CLDN11: variants seen among roughly 807,000 people sequenced by gnomAD.
The protein encoded by CLDN11 is claudin 11.
In CLDN11, 1 loss-of-function variant was observed where a neutral mutation model predicts 18.0. The ratio of observed to expected loss-of-function variants is 0.06; its 90% CI spans 0.02 to 0.26. The LOEUF is 0.26. Among genes scored for constraint, CLDN11 ranks in the 10% least tolerant of loss-of-function variants. The pLI, the probability that CLDN11 is intolerant of heterozygous loss-of-function variation, is 1.00. For synonymous variants in CLDN11, 116 were observed against 121.5 expected (o/e 0.96, Z 0.30); for missense variants, 172 against 276.6 (o/e 0.62, Z 2.68).
chr3:170,421,152 T>TGG lies in CLDN11; in HGVS notation c.226+1869_226+1870dup, dbSNP rs71176567. 301 of 156,270 alleles carry TGG rather than the reference T, an allele frequency of 1.9e-3. 1 individual carries two copies. The highest frequency in any genetic ancestry group is 0.017 in the East Asian group (59 of 3,498). 9.7% of individuals were successfully genotyped at this position (156,270 alleles called of 1,614,324 possible). A position where few individuals can be genotyped will look rare whatever the true frequency, so the allele number is the denominator to read the frequency against. On this transcript the variant is annotated intron_variant, in intron 1 of 2. Coordinates refer to ENST00000064724, the MANE Select transcript of CLDN11 (RefSeq NM_005602.6). ...CAGAGGGGAGTGCATACTCTGGGGGTGGGGGGGGGGTGGGGGGCGGCGCTA... is the reference window on the plus strand; with the variant it reads ...CAGAGGGGAGTGCATACTCTGGGGGTGGGGGGGGGGGGTGGGGGGCGGCGCTA...
chr3:170,432,658 C>A lies in CLDN11; in HGVS notation c.526C>A (p.Leu176Ile), dbSNP rs1367566565. The A allele has an allele frequency of 6.2e-7, 1 of 1,614,066 alleles. No homozygotes were observed. The highest frequency in any genetic ancestry group is 8.5e-7 in the Non-Finnish European group (1 of 1,180,036). Residue 176 changes from leucine to isoleucine, a missense_variant, in exon 3 of 3, where the codon CTC (leucine) becomes ATC (isoleucine). Coordinates refer to ENST00000064724, the MANE Select transcript of CLDN11 (RefSeq NM_005602.6). The part of the protein sequence containing the change: ...VLCLVGGCVI[L>I]CCAGDAQAFG... The stretch of plus-strand genomic sequence containing the variant: ...GTGCCTCGTGGGTGGCTGTGTCATC[C>A]TCTGCTGCGCTGGAGATGCCCAGGC...
rs1452564885 is a variant in CLDN11 at position 170,432,747 on chromosome 3, C to A, written c.615C>A (p.Ala205=). The A allele has an allele frequency of 6.2e-7, 1 of 1,614,048 alleles. No homozygotes were observed. Among genetic ancestry groups the A allele is most frequent in the African/African-American group, 1.3e-5 (1 of 74,930 alleles). Residue 205 remains alanine, a synonymous_variant, in exon 3 of 3, where the codon GCC becomes GCA. Transcript: ENST00000064724. ...GSSSPTHAKS[A]HV is the part of the protein sequence containing the mutation. Reference sequence around the variant, plus strand: ...GCTCCCCGACTCATGCGAAGAGTGCCCACGTATAAGAGGGCTGCCCGGCTG... The same window carrying A: ...GCTCCCCGACTCATGCGAAGAGTGCACACGTATAAGAGGGCTGCCCGGCTG...
chr3:170,425,151 C>G (rs1333550950), intron 2 of CLDN11, among the ~76,000 whole-genome samples: 2 of 152,176 alleles, frequency 1.3e-5, no homozygotes, highest in Non-Finnish European at 2.9e-5. Flanking sequence ...CCCTTTCCAA[C>G]AGGAAAGTGA....
At chr3:170,426,553 G>C (rs1738859191) in intron 2 of CLDN11, among the ~76,000 whole-genome samples, 1 of 152,168 alleles carries the variant, frequency 6.6e-6, no homozygotes, top group Non-Finnish European at 1.5e-5. Flanking sequence ...GTGTGAACTG[G>C]GGCAGTTCCT....
At chr3:170,420,839 C>T (rs1200546497) in intron 1 of CLDN11, among the ~76,000 whole-genome samples, 1 of 152,130 alleles carries the variant, frequency 6.6e-6, no homozygotes, top group Non-Finnish European at 1.5e-5. Context: ...TGAGGGGGGA[C>T]AAATTGCTAG....
rs1005085262 is a variant in CLDN11, at chr3:170,423,597, C to G, written c.391+270C>G. ...GGTAGGAAATACCTAAGGGAAAGAC[C>G]TGAAAGATGGAAGCCTTCTCAGTCT... On this transcript the variant is annotated intron_variant, in intron 2 of 2. Transcript: ENST00000064724. 8 of 427,238 alleles carry G rather than the reference C, an allele frequency of 1.9e-5. No individual in the cohort carries two copies. In the Admixed American group the frequency reaches 2.7e-4, roughly 14 times the overall value. 26.5% of individuals were successfully genotyped at this position (427,238 alleles called of 1,614,324 possible). A position where few individuals can be genotyped will look rare whatever the true frequency, so the allele number is the denominator to read the frequency against.
At position 170,433,468 on chromosome 3, in the gene CLDN11, C is replaced by T. The variant is rs972380721; in HGVS notation, c.*712C>T. 6.6e-5 allele frequency: 10 copies of T among 152,070 alleles called. No homozygotes were observed. The highest frequency in any genetic ancestry group is 1.3e-4 in the Admixed American group (2 of 15,252). The allele number at this position is 152,070 out of a possible 1,614,324, so 9.4% of individuals were successfully genotyped here. On this transcript the variant is annotated 3_prime_UTR_variant, in exon 3 of 3. Coordinates refer to ENST00000064724, the MANE Select transcript of CLDN11 (RefSeq NM_005602.6). ...ATGCTTTTCAAACTGATACAGATGACAATGGGAGCCTCATAAAGATGGCTT... is the reference window on the plus strand; with the variant it reads ...ATGCTTTTCAAACTGATACAGATGATAATGGGAGCCTCATAAAGATGGCTT...
chr3:170,428,683 A>T (rs1395240177), intron 2 of CLDN11, among the ~76,000 whole-genome samples: 2 of 152,108 alleles, frequency 1.3e-5, no homozygotes, highest in Non-Finnish European at 2.9e-5. Context: ...CTGTTTTCCA[A>T]CAACAAATGG....
chr3:170,422,408 A>G (rs1271421317), intron 1 of CLDN11, among the ~76,000 whole-genome samples: 1 of 152,090 alleles, frequency 6.6e-6, no homozygotes. Context: ...ATTATTATCA[A>G]TACTTTGTTT....
intron 2 of CLDN11, 100 bp from the exon 3 acceptor site, chr3:170,432,424 G>C: frequency 6.4e-7 from 1 of 1,552,558 alleles, no homozygotes; most frequent in South Asian, 1.2e-5. Flanking sequence ...TTTGGAGCTG[G>C]TTGGAAGCCA....
At position 170,423,173 on chromosome 3, in the gene CLDN11, GGCCTGCCGC is replaced by G; in HGVS notation, c.241_249del (p.Cys81_Ala83del). ...CTCTCTTGTTCCCAGGCTACGTGCA[GGCCTGCCGC>G]GCCCTGATGATTGCTGCCTCGGTCC... On this transcript the variant is annotated inframe_deletion, in exon 2 of 3. Coordinates refer to ENST00000064724, the MANE Select transcript of CLDN11 (RefSeq NM_005602.6). The G allele has an allele frequency of 6.2e-7, 1 of 1,614,218 alleles. No homozygotes were observed. Among genetic ancestry groups the G allele is most frequent in the Non-Finnish European group, 8.5e-7 (1 of 1,180,040 alleles).
chr3:170,430,754 C>T (rs1255144882), intron 2 of CLDN11, among the ~76,000 whole-genome samples: 1 of 149,896 alleles, frequency 6.7e-6, no homozygotes, highest in Non-Finnish European at 1.5e-5. Flanking sequence ...CCATGTTGGC[C>T]AGGCTGATCT....
At chr3:170,424,594 A>G (rs569573421) in intron 2 of CLDN11, among the ~76,000 whole-genome samples, 153 of 152,372 alleles carry the variant, frequency 1.0e-3, no homozygotes, top group Non-Finnish European at 1.9e-3. Flanking sequence ...CTAATAGACA[A>G]TATGAATTTT....
Position 170,432,856 on chromosome 3 carries a change from C to T in CLDN11, c.*100C>T. The T allele has an allele frequency of 2.6e-6, 3 of 1,157,064 alleles. No homozygotes were observed. The highest frequency in any genetic ancestry group is 3.8e-6 in the Non-Finnish European group (3 of 784,510). The allele number at this position is 1,157,064 out of a possible 1,614,324, so 71.7% of individuals were successfully genotyped here. A position where few individuals can be genotyped will look rare whatever the true frequency, so the allele number is the denominator to read the frequency against. On this transcript the variant is annotated 3_prime_UTR_variant, in exon 3 of 3. Transcript: ENST00000064724. Reference sequence around the variant, plus strand: ...GGGAAGCCCATTCCTCTGCCAGGCTCTAAAGCCAAAGGTCTAGAAAAGCAT... The same window carrying T: ...GGGAAGCCCATTCCTCTGCCAGGCTTTAAAGCCAAAGGTCTAGAAAAGCAT...
chr3:170,431,374 T>C (rs1738998528), intron 2 of CLDN11, among the ~76,000 whole-genome samples: 1 of 152,228 alleles, frequency 6.6e-6, no homozygotes, highest in South Asian at 2.1e-4. Context: ...TTATTATTTT[T>C]CTGTCTGCCA....
Position 170,433,453 on chromosome 3 carries a change from A to G in CLDN11, c.*697A>G, listed in dbSNP as rs768948018. 7.9e-5 allele frequency: 12 copies of G among 152,022 alleles called. No individual in the cohort carries two copies. Among genetic ancestry groups the G allele is most frequent in the African/African-American group, 2.9e-4 (12 of 41,344 alleles). The allele number at this position is 152,022 out of a possible 1,614,324, so 9.4% of individuals were successfully genotyped here. ...ACCACACCGGCCAAGATGCTTTTCA[A>G]ACTGATACAGATGACAATGGGAGCC... On this transcript the variant is annotated 3_prime_UTR_variant, in exon 3 of 3. Transcript: ENST00000064724.
intron 2 of CLDN11, among the ~76,000 whole-genome samples, chr3:170,430,542 TC>T (rs1738972317): frequency 2.2e-5 from 1 of 44,824 alleles, no homozygotes; most frequent in African/African-American, 8.6e-5. Flanking sequence ...CTTCTTTTTC[TC>T]TTTTTTTTTT....
intron 2 of CLDN11, 186 bp downstream of exon 2, chr3:170,423,513 A>C (rs1738771034): frequency 3.3e-6 from 2 of 605,652 alleles, no homozygotes; most frequent in South Asian, 4.3e-5. Flanking sequence ...GGGCTAAGTA[A>C]TGTCTCTGGG....
chr3:170,422,240 C>G (rs536302691), intron 1 of CLDN11, among the ~76,000 whole-genome samples: 48 of 143,766 alleles, frequency 3.3e-4, no homozygotes, highest in Admixed American at 8.0e-4. Flanking sequence ...ACCTAGGACA[C>G]CTGAAGATGA....
Sources: gnomAD v4.1 joint callset for allele counts (sites outside exome capture counted in the v4.1 genomes callset) on GRCh38, gnomAD v4.1.1 for gene constraint, MANE v1.5 for transcripts, NCBI Gene and HGNC (gene_info 2026-07-23, HGNC 2026-07-21) for gene names.